UNC5C: variants seen among roughly 807,000 people sequenced by gnomAD.
UNC5C encodes the protein unc-5 netrin receptor C, also known as netrin receptor UNC5C.
A neutral mutation model predicts 99.8 loss-of-function variants in UNC5C; 47 were observed. That is an observed-to-expected ratio of 0.47 (90% CI 0.37 to 0.60). UNC5C has a LOEUF of 0.60. UNC5C is among the 20% of genes least tolerant of loss of function. The probability of loss-of-function intolerance (pLI) is 0.00; values close to 1 mark genes in which losing one functional copy is unlikely to be tolerated. For synonymous variants in UNC5C, 487 were observed against 452.2 expected (o/e 1.08, Z -0.98); for missense variants, 1,062 against 1,165.9 (o/e 0.91, Z 1.30).
chr4:95,256,899 G>A (rs1740019546), intron 4 of UNC5C, among the ~76,000 whole-genome samples: 1 of 151,808 alleles, frequency 6.6e-6, no homozygotes, highest in Admixed American at 6.6e-5. Context: ...GGAGAAAGAT[G>A]TAGGCTGGGA....
chr4:95,286,963 G>T (rs900032544), intron 3 of UNC5C, among the ~76,000 whole-genome samples: 1 of 152,138 alleles, frequency 6.6e-6, no homozygotes, highest in Non-Finnish European at 1.5e-5. Context: ...CCAAAAAAGT[G>T]GGATGCCATA....
At chr4:95,301,185 T>C (rs1224352881) in intron 3 of UNC5C, among the ~76,000 whole-genome samples, 1 of 144,854 alleles carries the variant, frequency 6.9e-6, no homozygotes, top group African/African-American at 2.6e-5. Flanking sequence ...GGGAGCAGTT[T>C]TTTTCCAGGA....
intron 5 of UNC5C, among the ~76,000 whole-genome samples, chr4:95,247,243 G>T (rs1326770905): frequency 6.6e-6 from 1 of 151,922 alleles, no homozygotes; most frequent in African/African-American, 2.4e-5. Context: ...TGCTAAATAT[G>T]AAATACTGGT....
At chr4:95,426,785 A>C (rs1746499954) in intron 1 of UNC5C, among the ~76,000 whole-genome samples, 1 of 152,244 alleles carries the variant, frequency 6.6e-6, no homozygotes, top group African/African-American at 2.4e-5. Context: ...AATTGTTGGA[A>C]TGCTGAGAGA....
intron 3 of UNC5C, among the ~76,000 whole-genome samples, chr4:95,284,614 G>T (rs999945334): frequency 1.3e-5 from 2 of 151,936 alleles, no homozygotes; most frequent in African/African-American, 4.8e-5. Context: ...ACAGAAATTT[G>T]GTATTTAAAA....
At chr4:95,382,401 G>A (rs1362867119) in intron 1 of UNC5C, among the ~76,000 whole-genome samples, 2 of 151,216 alleles carry the variant, frequency 1.3e-5, no homozygotes, top group African/African-American at 2.4e-5. Context: ...TGTGGCTGCA[G>A]TGAGCTGAGA....
chr4:95,238,720 C>T (rs1739217890), intron 7 of UNC5C, among the ~76,000 whole-genome samples: 1 of 152,110 alleles, frequency 6.6e-6, no homozygotes, highest in Admixed American at 6.5e-5. Flanking sequence ...CTCTCTTTTA[C>T]ATATTCACTT....
intron 4 of UNC5C, among the ~76,000 whole-genome samples, chr4:95,254,638 T>G (rs1170961316): frequency 6.6e-6 from 1 of 152,154 alleles, no homozygotes; most frequent in African/African-American, 2.4e-5. Context: ...CAAATCAAAA[T>G]ATGCATCCTA....
intron 1 of UNC5C, among the ~76,000 whole-genome samples, chr4:95,464,560 T>C (rs1747713380): frequency 1.3e-5 from 2 of 152,182 alleles, no homozygotes. Context: ...ATCACAGGGA[T>C]TTATGCATTA....
intron 1 of UNC5C, among the ~76,000 whole-genome samples, chr4:95,425,948 C>A (rs2149458396): frequency 6.6e-6 from 1 of 152,254 alleles, no homozygotes; most frequent in South Asian, 2.1e-4. Flanking sequence ...CTAATCATAA[C>A]TAGCAGCACT....
intron 1 of UNC5C, among the ~76,000 whole-genome samples, chr4:95,354,653 T>C (rs914566868): frequency 6.6e-6 from 1 of 151,706 alleles, no homozygotes; most frequent in Admixed American, 6.6e-5. Flanking sequence ...GGCTAATGTT[T>C]ACATTTTTTT....
At chr4:95,190,051 T>C (rs576405193) in intron 12 of UNC5C, among the ~76,000 whole-genome samples, 14 of 152,308 alleles carry the variant, frequency 9.2e-5, no homozygotes, top group African/African-American at 2.9e-4. Context: ...TGTATGTTTA[T>C]TGCGGCACTA....
At chr4:95,381,017 TAGG>T (rs1413561467) in intron 1 of UNC5C, among the ~76,000 whole-genome samples, 1 of 152,216 alleles carries the variant, frequency 6.6e-6, no homozygotes, top group African/African-American at 2.4e-5. Context: ...ACTCATTACA[TAGG>T]AGAAGAAAAC....
intron 12 of UNC5C, among the ~76,000 whole-genome samples, chr4:95,188,485 A>AGAT (rs1257763484): frequency 6.6e-6 from 1 of 152,228 alleles, no homozygotes; most frequent in East Asian, 1.9e-4. Flanking sequence ...GTTTTGTGTC[A>AGAT]GATGATAGAA....
At chr4:95,169,632 G>A (rs1736007112) in intron 15 of UNC5C, among the ~76,000 whole-genome samples, 1 of 152,172 alleles carries the variant, frequency 6.6e-6, no homozygotes, top group Non-Finnish European at 1.5e-5. Flanking sequence ...GAGACAAGAT[G>A]TCTATGGGTC....
chr4:95,514,404 T>G (rs1200654090), intron 1 of UNC5C, among the ~76,000 whole-genome samples: 1 of 151,926 alleles, frequency 6.6e-6, no homozygotes, highest in Non-Finnish European at 1.5e-5. Context: ...TTTACAAAAT[T>G]TTATAGTTCT....
intron 1 of UNC5C, among the ~76,000 whole-genome samples, chr4:95,523,245 C>A (rs1406276373): frequency 6.6e-6 from 1 of 152,144 alleles, no homozygotes; most frequent in Non-Finnish European, 1.5e-5. Flanking sequence ...GGCAAAGCAG[C>A]TCTTGCTTCA....
At chr4:95,343,579 C>A (rs1040651451) in intron 1 of UNC5C, among the ~76,000 whole-genome samples, 26 of 151,828 alleles carry the variant, frequency 1.7e-4, no homozygotes, top group African/African-American at 5.8e-4. Context: ...CATGACCATG[C>A]CGAGAAAATT....
rs566265329 is a variant in UNC5C, at chr4:95,463,836, C to A, written c.124+84898G>T. On this transcript the variant is annotated intron_variant, in intron 1 of 15. Coordinates refer to ENST00000453304, the MANE Select transcript of UNC5C (RefSeq NM_003728.4). Reference sequence around the variant, plus strand: ...AAAGATGAATAAGAAACAGGTCTTGCCCCCTAGGAACAGTCTAGAGAGGGC... The same window carrying A: ...AAAGATGAATAAGAAACAGGTCTTGACCCCTAGGAACAGTCTAGAGAGGGC... Among the ~76,000 whole-genome samples the A allele has an allele frequency of 5.9e-5, 9 of 152,200 alleles. No homozygotes were observed. The South Asian group carries it at 6.2e-4, about 11-fold the overall frequency.
Sources: allele counts gnomAD v4.1 joint callset (sites outside exome capture counted in the v4.1 genomes callset), GRCh38; gene constraint gnomAD v4.1.1; transcripts MANE v1.5; gene names NCBI Gene and HGNC (gene_info 2026-07-23, HGNC 2026-07-21).